The following ARHGAP24 variants were observed in gnomAD, a reference collection of about 807,000 sequenced individuals.
The protein encoded by ARHGAP24 is rho GTPase-activating protein 24.
In ARHGAP24, 50 loss-of-function variants were observed where a neutral mutation model predicts 76.4. The ratio of observed to expected loss-of-function variants is 0.65; its 90% CI spans 0.52 to 0.83. ARHGAP24 has a LOEUF of 0.83. Ranked by LOEUF, ARHGAP24 falls within the 40% of genes least tolerant of loss-of-function variation. The probability of loss-of-function intolerance (pLI) is 0.00; values close to 1 mark genes in which losing one functional copy is unlikely to be tolerated. For missense variants in ARHGAP24, 930 were observed against 914.2 expected (o/e 1.02, Z -0.22); for synonymous variants, 345 against 323.3 (o/e 1.07, Z -0.72).
intron 3 of ARHGAP24, among the ~76,000 whole-genome samples, chr4:85,737,661 C>G (rs1725653918): frequency 6.6e-6 from 1 of 152,180 alleles, no homozygotes; most frequent in Admixed American, 6.5e-5. Flanking sequence ...AACCCTGGAG[C>G]TGTTACATGT....
chr4:85,721,335 C>T (rs1724928390), intron 2 of ARHGAP24, among the ~76,000 whole-genome samples: 1 of 150,164 alleles, frequency 6.7e-6, no homozygotes, highest in Non-Finnish European at 1.5e-5. Flanking sequence ...GCAGAGGTTG[C>T]AGCGAGCCAA....
intron 2 of ARHGAP24, among the ~76,000 whole-genome samples, chr4:85,682,199 A>G (rs1026968702): frequency 1.3e-5 from 2 of 152,226 alleles, no homozygotes; most frequent in African/African-American, 4.8e-5. Context: ...CCATTGCGTT[A>G]AAAACAAAGA....
chr4:85,851,482 C>T (rs999321890), intron 3 of ARHGAP24, among the ~76,000 whole-genome samples: 3 of 152,150 alleles, frequency 2.0e-5, no homozygotes, highest in African/African-American at 4.8e-5. Flanking sequence ...TGAATTTGAT[C>T]CTGTCATTAT....
At chr4:85,797,585 G>A (rs1728416621) in intron 3 of ARHGAP24, among the ~76,000 whole-genome samples, 1 of 152,214 alleles carries the variant, frequency 6.6e-6, no homozygotes, top group Non-Finnish European at 1.5e-5. Context: ...AGCAGGATTT[G>A]CTTTTTCTCC....
rs1233268140 is a variant in ARHGAP24 at position 85,994,742 on chromosome 4, A to G, written c.1088A>G (p.Asn363Ser). The G allele has an allele frequency of 6.2e-7, 1 of 1,614,170 alleles. No homozygotes were observed. The highest frequency in any genetic ancestry group is 8.5e-7 in the Non-Finnish European group (1 of 1,180,024). ...ATGGGGCAGTTACAGAACAAGGAGAACAATAACACCAAGGACAGCCCTAGT... is the reference window on the plus strand; with the variant it reads ...ATGGGGCAGTTACAGAACAAGGAGAGCAATAACACCAAGGACAGCCCTAGT... Reference protein sequence around the residue: ...ATMGQLQNKENNNTKDSPSRQ... With the variant: ...ATMGQLQNKESNNTKDSPSRQ... Residue 363 changes from asparagine (N) to serine (S), a missense_variant, in exon 9 of 10, where the codon AAC (asparagine) becomes AGC (serine). Asn to Ser is a conservative substitution (Grantham distance 46). Transcript: ENST00000395184.
chr4:85,988,639 AT>A (rs1207408867), intron 8 of ARHGAP24, among the ~76,000 whole-genome samples: 1 of 151,698 alleles, frequency 6.6e-6, no homozygotes, highest in Non-Finnish European at 1.5e-5. Flanking sequence ...ACATAAAAAA[AT>A]AAAAGAGGAG....
At chr4:85,940,062 C>T (rs1354489293) in intron 4 of ARHGAP24, among the ~76,000 whole-genome samples, 3 of 152,094 alleles carry the variant, frequency 2.0e-5, no homozygotes, top group Admixed American at 2.0e-4. Flanking sequence ...TTTCAAAGCT[C>T]TCCACAGAAA....
intron 2 of ARHGAP24, among the ~76,000 whole-genome samples, chr4:85,698,448 A>G (rs981417625): frequency 6.6e-6 from 1 of 152,242 alleles, no homozygotes; most frequent in African/African-American, 2.4e-5. Context: ...AAATGCCTCA[A>G]CATTTGGGAG....
chr4:85,981,420 A>C (rs1246959485), intron 8 of ARHGAP24, among the ~76,000 whole-genome samples: 1 of 152,144 alleles, frequency 6.6e-6, no homozygotes, highest in Non-Finnish European at 1.5e-5. Context: ...ATATTAACAA[A>C]TCTATAGTAT....
intron 3 of ARHGAP24, among the ~76,000 whole-genome samples, chr4:85,802,814 A>C (rs1728635572): frequency 6.6e-6 from 1 of 152,196 alleles, no homozygotes; most frequent in Non-Finnish European, 1.5e-5. Context: ...ACAAACAAAA[A>C]ACCGAAACTT....
intron 2 of ARHGAP24, among the ~76,000 whole-genome samples, chr4:85,651,669 G>C (rs1302959945): frequency 1.4e-5 from 2 of 138,298 alleles, no homozygotes; most frequent in African/African-American, 6.9e-5. Flanking sequence ...AACACATTGA[G>C]TTTTTCCTCT....
At chr4:85,971,038 A>G (rs1659316597) in intron 5 of ARHGAP24, among the ~76,000 whole-genome samples, 1 of 152,202 alleles carries the variant, frequency 6.6e-6, no homozygotes. Context: ...CAAGTTATGT[A>G]AAGGACGTTA....
chr4:85,731,071 A>G lies in ARHGAP24; in HGVS notation c.268+9099A>G, dbSNP rs561547297. ...TGTGTGTGTGTGTATATATACATAT[A>G]TGTATATGTGTATGTATGCAAAACG... On this transcript the variant is annotated intron_variant, in intron 3 of 9. Transcript: ENST00000395184. Among the ~76,000 whole-genome samples, 21 of 151,870 alleles carry G rather than the reference A, an allele frequency of 1.4e-4. No individual in the cohort carries two copies. In the South Asian group the frequency reaches 4.2e-3, roughly 30 times the overall value.
At chr4:85,612,577 A>G (rs1015079246) in intron 2 of ARHGAP24, among the ~76,000 whole-genome samples, 1 of 152,058 alleles carries the variant, frequency 6.6e-6, no homozygotes, top group Non-Finnish European at 1.5e-5. Context: ...CTTTTTATTC[A>G]TTTCTATTTA....
chr4:85,845,590 T>C (rs1253480945), intron 3 of ARHGAP24, among the ~76,000 whole-genome samples: 4 of 152,216 alleles, frequency 2.6e-5, no homozygotes, highest in Non-Finnish European at 5.9e-5. Flanking sequence ...TATTCCCTGT[T>C]CTTTCCCTTT....
intron 3 of ARHGAP24, among the ~76,000 whole-genome samples, chr4:85,740,497 C>T (rs558925627): frequency 2.0e-5 from 3 of 152,106 alleles, no homozygotes; most frequent in Non-Finnish European, 4.4e-5. Context: ...GGGTGAGTCA[C>T]CCCACCCAGC....
intron 1 of ARHGAP24, among the ~76,000 whole-genome samples, chr4:85,511,586 C>T (rs1380488374): frequency 1.3e-5 from 2 of 152,110 alleles, no homozygotes; most frequent in African/African-American, 4.8e-5. Context: ...CCTCAGCCTC[C>T]CGAGTAGCTG....
intron 8 of ARHGAP24, among the ~76,000 whole-genome samples, chr4:85,979,703 C>A (rs1560761957): frequency 6.6e-6 from 1 of 152,130 alleles, no homozygotes; most frequent in African/African-American, 2.4e-5. Flanking sequence ...TGCTTAGGAA[C>A]CCAATGGTAT....
intron 3 of ARHGAP24, among the ~76,000 whole-genome samples, chr4:85,751,309 A>G (rs867643977): frequency 1.3e-5 from 2 of 152,178 alleles, no homozygotes; most frequent in East Asian, 1.9e-4. Context: ...TTTTTAATCC[A>G]GCTCTTAATA....
Sources: allele counts gnomAD v4.1 joint callset (sites outside exome capture counted in the v4.1 genomes callset), GRCh38; gene constraint gnomAD v4.1.1; transcripts MANE v1.5; gene names NCBI Gene and HGNC (gene_info 2026-07-23, HGNC 2026-07-21).